The following GRM8 variants were observed in gnomAD, a reference collection of about 807,000 sequenced individuals.
GRM8 encodes metabotropic glutamate receptor 8.
GRM8 carries 47 observed loss-of-function variants against 87.2 expected under a neutral mutation model. The observed-to-expected ratio is 0.54, with a 90% CI of 0.43 to 0.69. GRM8 has a LOEUF of 0.69. Ranked by LOEUF, GRM8 falls within the 30% of genes least tolerant of loss-of-function variation. GRM8 has a pLI of 0.00. For synonymous variants in GRM8, 396 were observed against 404.5 expected, an observed-to-expected ratio of 0.98 and a Z score of 0.25; for missense variants, 1,019 against 1,139.2, an observed-to-expected ratio of 0.89 and a Z score of 1.52.
chr7:126,505,526 A>C (rs1428642021), intron 9 of GRM8, among the ~76,000 whole-genome samples: 1 of 152,096 alleles, frequency 6.6e-6, no homozygotes, highest in Non-Finnish European at 1.5e-5. Context: ...AGAAAGGAGC[A>C]ATTGCTCTGC....
At chr7:127,199,924 G>A (rs1283659555) in intron 2 of GRM8, among the ~76,000 whole-genome samples, 1 of 152,012 alleles carries the variant, frequency 6.6e-6, no homozygotes, top group East Asian at 1.9e-4. Flanking sequence ...TGCTTTTTTT[G>A]CGGATATATG....
At chr7:126,595,398 ATTTTATTTTATTTTATTTTATTTTATTT>A (rs201022133) in intron 8 of GRM8, among the ~76,000 whole-genome samples, 3,461 of 122,838 alleles carry the variant, frequency 0.028, 59 homozygotes, top group Non-Finnish European at 0.045. Context: ...ATTTTATTTT[ATTTTATTTTATTTTATTTTATTTTATTT>A]TATTATTTTA....
chr7:126,627,473 TC>T (rs1482974027), intron 7 of GRM8, among the ~76,000 whole-genome samples: 13 of 152,208 alleles, frequency 8.5e-5, no homozygotes, highest in African/African-American at 3.1e-4. Context: ...ATGGAAAGCA[TC>T]AAGTTTTCTG....
At chr7:126,894,767 G>A (rs1433148983) in intron 6 of GRM8, among the ~76,000 whole-genome samples, 5 of 152,004 alleles carry the variant, frequency 3.3e-5, no homozygotes, top group Non-Finnish European at 7.4e-5. Context: ...GAGCAGGAAA[G>A]GATGAAGGAA....
intron 2 of GRM8, among the ~76,000 whole-genome samples, chr7:127,234,748 C>A (rs569896851): frequency 2.0e-5 from 3 of 152,324 alleles, no homozygotes; most frequent in Non-Finnish European, 1.5e-5. Flanking sequence ...TTTCAACAAG[C>A]ACTCTGGGTG....
intron 7 of GRM8, among the ~76,000 whole-genome samples, chr7:126,657,855 A>G (rs1804708019): frequency 6.6e-6 from 1 of 152,400 alleles, no homozygotes; most frequent in South Asian, 2.1e-4. Flanking sequence ...TAAAGCGTGC[A>G]GGAAAGAAGG....
At chr7:126,495,596 A>G (rs1189520266) in intron 9 of GRM8, among the ~76,000 whole-genome samples, 1 of 152,112 alleles carries the variant, frequency 6.6e-6, no homozygotes. Flanking sequence ...GTATATGAAT[A>G]CACAGTGCCT....
At chr7:126,658,931 C>G (rs546293026) in intron 7 of GRM8, among the ~76,000 whole-genome samples, 19 of 152,018 alleles carry the variant, frequency 1.2e-4, no homozygotes, top group Non-Finnish European at 2.4e-4. Context: ...TCACAGAGGC[C>G]GCAGCCTTGA....
intron 2 of GRM8, among the ~76,000 whole-genome samples, chr7:127,142,139 AAT>A (rs1199350499): frequency 6.6e-6 from 1 of 151,908 alleles, no homozygotes; most frequent in African/African-American, 2.4e-5. Context: ...ATGCACACCT[AAT>A]ATTTTTTTAA....
Position 126,533,762 on chromosome 7 carries a change from G to A in GRM8, c.1620C>T (p.Arg540=), listed in dbSNP as rs1011148470. Residue 540 remains arginine, a synonymous_variant, in exon 9 of 11, where the codon CGC becomes CGT. Transcript: ENST00000339582. Reference sequence around the variant, plus strand: ...CCACCTGGTAGTTGTAACCTTCACAGCGTTCACAGTGCCAGCAGCAAGGGA... The same window carrying A: ...CCACCTGGTAGTTGTAACCTTCACAACGTTCACAGTGCCAGCAGCAAGGGA... ...KGVPCCWHCE[R]CEGYNYQVDE... 2 of 1,614,050 alleles carry A rather than the reference G, an allele frequency of 1.2e-6. No homozygotes were observed. Among genetic ancestry groups the A allele is most frequent in the Middle Eastern group, 1.6e-4 (1 of 6,062 alleles).
At chr7:127,095,499 G>A (rs17864959) in intron 3 of GRM8, among the ~76,000 whole-genome samples, 1,996 of 152,134 alleles carry the variant, frequency 0.013, 42 homozygotes, top group African/African-American at 0.045. Context: ...AATAAGAACC[G>A]TCAAACACTA....
Position 127,079,362 on chromosome 7 carries a change from T to A in GRM8, c.727+27134A>T, listed in dbSNP as rs181724080. Reference sequence around the variant, plus strand: ...GTCTCGAACTCCTGACCCCAGATGATCCACCCACCTCAGCCTCCCAAAGTG... The same window carrying A: ...GTCTCGAACTCCTGACCCCAGATGAACCACCCACCTCAGCCTCCCAAAGTG... On this transcript the variant is annotated intron_variant, in intron 3 of 10. Coordinates refer to ENST00000339582, the MANE Select transcript of GRM8 (RefSeq NM_000845.3). 2.0e-3 allele frequency among the ~76,000 whole-genome samples: 301 copies of A among 152,308 alleles called. 3 individuals carry two copies. Among genetic ancestry groups the A allele is most frequent in the Admixed American group, 0.018 (275 of 15,296 alleles).
chr7:127,051,738 GCAAAAAAAAAAA>G (rs934778439), intron 3 of GRM8, among the ~76,000 whole-genome samples: 1 of 13,050 alleles, frequency 7.7e-5, no homozygotes, highest in Non-Finnish European at 1.9e-4. Context: ...ATAATGTTGA[GCAAAAAAAAAAA>G]AAAAAAAAAA....
rs985666711 is a variant in GRM8 at position 126,760,162 on chromosome 7, C to CT, written c.1357+9702dup. Among the ~76,000 whole-genome samples the CT allele has an allele frequency of 1.4e-3, 211 of 152,248 alleles. 1 individual carries two copies. Among genetic ancestry groups the CT allele is most frequent in the African/African-American group, 4.9e-3 (205 of 41,558 alleles). On this transcript the variant is annotated intron_variant, in intron 7 of 10. Transcript: ENST00000339582. ...AATTATTAAGCCCATGGTACTCCAC[C>CT]TCTCTCCAGGATTTATCATTCATCC...
intron 6 of GRM8, among the ~76,000 whole-genome samples, chr7:126,805,113 GAAAGCCA>G (rs1229349669): frequency 3.3e-5 from 5 of 152,112 alleles, no homozygotes; most frequent in African/African-American, 1.2e-4. Context: ...AATACGCCTA[GAAAGCCA>G]AACCGTAACT....
chr7:126,916,818 T>C (rs1803954464), intron 3 of GRM8, among the ~76,000 whole-genome samples: 1 of 152,078 alleles, frequency 6.6e-6, no homozygotes, highest in African/African-American at 2.4e-5. Context: ...AACTAGGAAA[T>C]GAACTTCAGA....
At chr7:127,021,406 C>T (rs921281158) in intron 3 of GRM8, among the ~76,000 whole-genome samples, 2 of 150,336 alleles carry the variant, frequency 1.3e-5, no homozygotes, top group Non-Finnish European at 3.0e-5. Context: ...GTTGTTTTCT[C>T]TCCTTGGTAA....
At chr7:126,618,810 A>G (rs1438271853) in intron 7 of GRM8, among the ~76,000 whole-genome samples, 3 of 152,238 alleles carry the variant, frequency 2.0e-5, no homozygotes, top group Admixed American at 6.5e-5. Flanking sequence ...AATGCAAATC[A>G]AAACCACAAT....
At chr7:126,822,123 A>G (rs1287051410) in intron 6 of GRM8, among the ~76,000 whole-genome samples, 1 of 152,150 alleles carries the variant, frequency 6.6e-6, no homozygotes, top group Non-Finnish European at 1.5e-5. Context: ...TGATAGCAGT[A>G]TGTCACAGGA....
Sources: allele counts gnomAD v4.1 joint callset (sites outside exome capture counted in the v4.1 genomes callset), GRCh38; gene constraint gnomAD v4.1.1; transcripts MANE v1.5; gene names NCBI Gene and HGNC (gene_info 2026-07-23, HGNC 2026-07-21).